The following CDH13 variants were observed in gnomAD, a reference collection of about 807,000 sequenced individuals.
The protein encoded by CDH13 is cadherin 13.
A neutral mutation model predicts 63.8 loss-of-function variants in CDH13; 24 were observed. That is an observed-to-expected ratio of 0.38 (90% confidence interval 0.27 to 0.53). CDH13 has a LOEUF of 0.53. Ranked by LOEUF, CDH13 falls within the 20% of genes least tolerant of loss-of-function variation. The probability of loss-of-function intolerance (pLI) is 0.85; values close to 1 mark genes in which losing one functional copy is unlikely to be tolerated. For missense variants in CDH13, 1,049 were observed against 903.1 expected (o/e 1.16, Z -2.07); for synonymous variants, 503 against 355.3 (o/e 1.42, Z -4.67).
chr16:82,804,311 A>ATG (rs1305688343), intron 1 of CDH13, among the ~76,000 whole-genome samples: 166 of 134,098 alleles, frequency 1.2e-3, no homozygotes, highest in Middle Eastern at 8.0e-3. Context: ...ACACACACAC[A>ATG]CGCACACACA....
At chr16:82,947,643 G>T (rs1451042776) in intron 2 of CDH13, among the ~76,000 whole-genome samples, 1 of 151,968 alleles carries the variant, frequency 6.6e-6, no homozygotes, top group Non-Finnish European at 1.5e-5. Flanking sequence ...AATTTTCTTT[G>T]ATATAAAATA....
intron 1 of CDH13, among the ~76,000 whole-genome samples, chr16:82,799,447 T>A (rs904661988): frequency 6.6e-6 from 1 of 152,232 alleles, no homozygotes; most frequent in African/African-American, 2.4e-5. Flanking sequence ...CTCAGCAGTC[T>A]GCTTTGAAAG....
intron 1 of CDH13, among the ~76,000 whole-genome samples, chr16:82,840,410 C>T (rs1170029454): frequency 7.3e-5 from 11 of 149,688 alleles, no homozygotes; most frequent in Admixed American, 2.7e-4. Flanking sequence ...TGGCCGGGTG[C>T]AGTGGCTCAC....
chr16:83,664,205 T>A (rs1913718057), intron 8 of CDH13, among the ~76,000 whole-genome samples: 1 of 152,056 alleles, frequency 6.6e-6, no homozygotes, highest in Admixed American at 6.5e-5. Context: ...AGGACTATGA[T>A]GATCTGGTGG....
chr16:83,444,568 C>T (rs565967543), intron 6 of CDH13, among the ~76,000 whole-genome samples: 1 of 152,286 alleles, frequency 6.6e-6, no homozygotes, highest in South Asian at 2.1e-4. Flanking sequence ...TCACTGAGCA[C>T]CAGAACCATG....
At chr16:83,703,230 C>A (rs1452685217) in intron 10 of CDH13, among the ~76,000 whole-genome samples, 2 of 152,190 alleles carry the variant, frequency 1.3e-5, no homozygotes, top group Non-Finnish European at 2.9e-5. Context: ...TTCCAACAGT[C>A]ACACTCTTCC....
chr16:82,997,385 C>G (rs968237595), intron 2 of CDH13, among the ~76,000 whole-genome samples: 11 of 152,048 alleles, frequency 7.2e-5, no homozygotes, highest in Admixed American at 2.6e-4. Context: ...GAATGAGGTA[C>G]TCTCTTTGGG....
intron 4 of CDH13, among the ~76,000 whole-genome samples, chr16:83,131,357 A>T (rs888822646): frequency 6.6e-6 from 1 of 152,212 alleles, no homozygotes; most frequent in Non-Finnish European, 1.5e-5. Flanking sequence ...AGTCGTGAAC[A>T]TACTTGCTCA....
At chr16:82,676,026 AAGG>A (rs966584002) in intron 1 of CDH13, among the ~76,000 whole-genome samples, 10 of 152,250 alleles carry the variant, frequency 6.6e-5, no homozygotes, top group African/African-American at 2.2e-4. Flanking sequence ...ACAGGGAAGA[AAGG>A]AGGGAGAAAA....
At chr16:83,672,409 CTTTTTTTTT>C (rs34156503) in intron 9 of CDH13, among the ~76,000 whole-genome samples, 21 of 35,108 alleles carry the variant, frequency 6.0e-4, no homozygotes, top group Non-Finnish European at 7.6e-4. Context: ...TCTGGATTCT[CTTTTTTTTT>C]TTTTTTTTTT....
At chr16:82,731,551 C>G (rs527974004) in intron 1 of CDH13, among the ~76,000 whole-genome samples, 8 of 152,278 alleles carry the variant, frequency 5.3e-5, no homozygotes, top group African/African-American at 1.9e-4. Context: ...AAGACATTGA[C>G]AAATAAGTGA....
chr16:82,796,923 A>G (rs1275426378), intron 1 of CDH13, among the ~76,000 whole-genome samples: 1 of 152,172 alleles, frequency 6.6e-6, no homozygotes, highest in Non-Finnish European at 1.5e-5. Context: ...CTCTGCTCAG[A>G]TTACATGGGT....
chr16:82,949,048 C>T (rs1567685981), intron 2 of CDH13, among the ~76,000 whole-genome samples: 2 of 152,138 alleles, frequency 1.3e-5, no homozygotes, highest in Non-Finnish European at 2.9e-5. Context: ...CCTGTGTAAA[C>T]CTCCTTATGA....
At position 82,727,270 on chromosome 16, in the gene CDH13, C is replaced by T. The variant is rs542492008; in HGVS notation, c.45+100133C>T. Among the ~76,000 whole-genome samples the T allele has an allele frequency of 1.2e-4, 18 of 152,160 alleles. No individual in the cohort carries two copies. The South Asian group carries it at 3.3e-3, about 28-fold the overall frequency. On this transcript the variant is annotated intron_variant, in intron 1 of 13. Transcript: ENST00000567109. Reference sequence around the variant, plus strand: ...GGCATCCCTGTTGTATTTGTAAATCCCTGGAGGTTGCAGTTGTAAAATGTG... The same window carrying T: ...GGCATCCCTGTTGTATTTGTAAATCTCTGGAGGTTGCAGTTGTAAAATGTG...
chr16:83,374,275 G>T (rs1202538328), intron 6 of CDH13, among the ~76,000 whole-genome samples: 1 of 152,186 alleles, frequency 6.6e-6, no homozygotes, highest in Admixed American at 6.5e-5. Flanking sequence ...CAGGTAAAAG[G>T]TTTCTTGCAT....
chr16:83,354,243 C>G (rs946628831), intron 6 of CDH13, among the ~76,000 whole-genome samples: 4 of 152,196 alleles, frequency 2.6e-5, no homozygotes, highest in Admixed American at 1.3e-4. Context: ...ACCAAAGGAT[C>G]CACTGTGAAT....
chr16:82,978,533 C>T (rs547090286), intron 2 of CDH13, among the ~76,000 whole-genome samples: 17 of 152,266 alleles, frequency 1.1e-4, no homozygotes, highest in Non-Finnish European at 2.2e-4. Context: ...CCAGCCACTA[C>T]AGCCATAGCT....
At chr16:83,506,804 G>A (rs2074406771) in intron 7 of CDH13, among the ~76,000 whole-genome samples, 1 of 152,198 alleles carries the variant, frequency 6.6e-6, no homozygotes, top group African/African-American at 2.4e-5. Context: ...CACATGGCAA[G>A]GAACTGAGGC....
intron 1 of CDH13, among the ~76,000 whole-genome samples, chr16:82,679,174 G>A (rs987656383): frequency 2.0e-5 from 3 of 152,208 alleles, no homozygotes; most frequent in Admixed American, 1.3e-4. Context: ...CATCCTGCAG[G>A]TTCTCTTGGG....
Sources: allele counts gnomAD v4.1 joint callset (sites outside exome capture counted in the v4.1 genomes callset), GRCh38; gene constraint gnomAD v4.1.1; transcripts MANE v1.5; gene names NCBI Gene and HGNC (gene_info 2026-07-23, HGNC 2026-07-21).